SAMD12: variants seen among roughly 807,000 people sequenced by gnomAD.
The protein encoded by SAMD12 is sterile alpha motif domain containing 12.
A neutral mutation model predicts 15.0 loss-of-function variants in SAMD12; 9 were observed. That is an observed-to-expected ratio of 0.60 (90% CI 0.36 to 1.05). The LOEUF is 1.05. SAMD12 is among the 50% of genes least tolerant of loss of function. The pLI, the probability that SAMD12 is intolerant of heterozygous loss-of-function variation, is 0.01. For synonymous variants in SAMD12, 86 were observed against 90.1 expected, an observed-to-expected ratio of 0.96 and a Z score of 0.25; for missense variants, 230 against 234.2, an observed-to-expected ratio of 0.98 and a Z score of 0.12.
At chr8:118,314,632 G>C (rs1229838194) in intron 4 of SAMD12, among the ~76,000 whole-genome samples, 1 of 152,126 alleles carries the variant, frequency 6.6e-6, no homozygotes, top group South Asian at 2.1e-4. Flanking sequence ...TATGCACATA[G>C]AATCATAGAG....
intron 3 of SAMD12, among the ~76,000 whole-genome samples, chr8:118,391,033 A>T (rs1482402202): frequency 6.6e-6 from 1 of 152,168 alleles, no homozygotes; most frequent in Non-Finnish European, 1.5e-5. Context: ...CATTGTTTTT[A>T]GCTCTCCGAG....
At chr8:118,269,220 CTGTGTGTGTGTGTGTGTG>C (rs71515963) in intron 4 of SAMD12, among the ~76,000 whole-genome samples, 48 of 123,004 alleles carry the variant, frequency 3.9e-4, no homozygotes, top group African/African-American at 1.4e-3. Context: ...CTCTCTCTCT[CTGTGTGTGTGTGTGTGTG>C]TGTGTGTGTG....
At chr8:118,604,720 G>T (rs1320019434) in intron 1 of SAMD12, among the ~76,000 whole-genome samples, 1 of 152,118 alleles carries the variant, frequency 6.6e-6, no homozygotes, top group Non-Finnish European at 1.5e-5. Context: ...AGGAGATCAA[G>T]ACCATCCTGG....
chr8:118,305,086 T>A (rs924668327), intron 4 of SAMD12, among the ~76,000 whole-genome samples: 1 of 134,760 alleles, frequency 7.4e-6, no homozygotes, highest in Non-Finnish European at 1.5e-5. Flanking sequence ...GAGGCGGAGG[T>A]TGCAGTGAGC....
chr8:118,412,414 G>C (rs1229543785), intron 3 of SAMD12, among the ~76,000 whole-genome samples: 1 of 152,144 alleles, frequency 6.6e-6, no homozygotes, highest in Non-Finnish European at 1.5e-5. Context: ...CTTCCGAGGA[G>C]CTAAGAATAA....
the SAMD12 span, among the ~76,000 whole-genome samples, chr8:118,157,811 C>T: frequency 6.6e-6 from 1 of 152,138 alleles, no homozygotes; most frequent in African/African-American, 2.4e-5. Flanking sequence ...ACTGAGTTTG[C>T]CTTCTAACTT....
chr8:118,533,363 T>A (rs1825742475), intron 2 of SAMD12, among the ~76,000 whole-genome samples: 1 of 152,216 alleles, frequency 6.6e-6, no homozygotes, highest in African/African-American at 2.4e-5. Flanking sequence ...CTTCCAACTA[T>A]GTGGTCAATT....
intron 2 of SAMD12, among the ~76,000 whole-genome samples, chr8:118,536,837 T>A (rs900158709): frequency 2.0e-5 from 3 of 152,376 alleles, no homozygotes; most frequent in African/African-American, 7.2e-5. Flanking sequence ...ATTCTGTGTT[T>A]TTCTGTGTAC....
rs531388668 is a variant in SAMD12 at position 118,450,759 on chromosome 8, G to T, written c.193-10798C>A. On this transcript the variant is annotated intron_variant, in intron 2 of 3. Transcript: ENST00000314727. ...TTCCACCTCTTGAGTCTGGGTGGTA[G>T]AAGGGAGCCATGTGGCTTGCTTTGA... Among the ~76,000 whole-genome samples, 5 of 152,316 alleles carry T rather than the reference G, an allele frequency of 3.3e-5. No homozygotes were observed. In the East Asian group the frequency reaches 9.7e-4, roughly 29 times the overall value.
the SAMD12 span, among the ~76,000 whole-genome samples, chr8:118,137,335 G>A: frequency 6.6e-6 from 1 of 152,138 alleles, no homozygotes; most frequent in Non-Finnish European, 1.5e-5. Context: ...ACACTCCCAT[G>A]TAAACGTCTG....
At chr8:118,523,754 C>T (rs1169160398) in intron 2 of SAMD12, among the ~76,000 whole-genome samples, 2 of 152,106 alleles carry the variant, frequency 1.3e-5, no homozygotes, top group Non-Finnish European at 2.9e-5. Context: ...ACTCCAATCA[C>T]TCATGGTCCC....
At chr8:118,336,005 T>G (rs1208918552) in intron 4 of SAMD12, among the ~76,000 whole-genome samples, 1 of 152,184 alleles carries the variant, frequency 6.6e-6, no homozygotes, top group Non-Finnish European at 1.5e-5. Flanking sequence ...ATTACAGGCA[T>G]AAGGCACCAC....
chr8:118,489,601 G>A (rs911008082), intron 2 of SAMD12, among the ~76,000 whole-genome samples: 5 of 152,132 alleles, frequency 3.3e-5, no homozygotes, highest in Admixed American at 6.5e-5. Flanking sequence ...TCAGTAGCCT[G>A]TTCCGGTGCT....
chr8:118,519,642 T>C (rs1825335078), intron 2 of SAMD12, among the ~76,000 whole-genome samples: 1 of 152,146 alleles, frequency 6.6e-6, no homozygotes, highest in Admixed American at 6.5e-5. Flanking sequence ...TATCTTTGAG[T>C]TGGGGGATGC....
chr8:118,291,822 G>A (rs188569006), intron 4 of SAMD12, among the ~76,000 whole-genome samples: 189 of 151,030 alleles, frequency 1.3e-3, no homozygotes, highest in African/African-American at 4.3e-3. Flanking sequence ...CTTCCATAGA[G>A]TGACTTCCAT....
At chr8:118,475,018 C>T (rs1252507874) in intron 2 of SAMD12, among the ~76,000 whole-genome samples, 1 of 152,118 alleles carries the variant, frequency 6.6e-6, no homozygotes, top group African/African-American at 2.4e-5. Context: ...GTGGGCGGAT[C>T]ACTTGAGGTC....
At chr8:118,191,809 T>TGGAG (rs1819405891) in exon 5 of SAMD12, 2 of 11,918 alleles carry the variant, frequency 1.7e-4, no homozygotes, top group Non-Finnish European at 3.8e-4. Flanking sequence ...TATATATATA[T>TGGAG]ATAGAGAGAG....
chr8:118,174,819 T>C, the SAMD12 span, among the ~76,000 whole-genome samples: 1 of 152,148 alleles, frequency 6.6e-6, no homozygotes, highest in African/African-American at 2.4e-5. Context: ...ATGCCACACT[T>C]GCTTTCTTTT....
intron 2 of SAMD12, among the ~76,000 whole-genome samples, chr8:118,463,246 G>T (rs1371262989): frequency 6.6e-6 from 1 of 152,126 alleles, no homozygotes; most frequent in Non-Finnish European, 1.5e-5. Flanking sequence ...GAACTCGTTG[G>T]GGTGGGGCTG....
Sources: allele counts gnomAD v4.1 joint callset (sites outside exome capture counted in the v4.1 genomes callset), GRCh38; gene constraint gnomAD v4.1.1; transcripts MANE v1.5; gene names NCBI Gene and HGNC (gene_info 2026-07-23, HGNC 2026-07-21).